The following ARHGAP8 variants were observed in gnomAD, a reference collection of about 807,000 sequenced individuals.
The protein encoded by ARHGAP8 is rho GTPase-activating protein 8.
A neutral mutation model predicts 46.1 loss-of-function variants in ARHGAP8; 62 were observed. That is an observed-to-expected ratio of 1.34 (90% CI 1.10 to 1.66). The LOEUF is 1.66. ARHGAP8 is among the 40% of genes most tolerant of loss of function. ARHGAP8 has a pLI of 0.00. For missense variants in ARHGAP8, 923 were observed against 568.4 expected, an observed-to-expected ratio of 1.62 and a Z score of -6.34; for synonymous variants, 375 against 243.1, an observed-to-expected ratio of 1.54 and a Z score of -5.05.
chr22:44,757,874 G>T (rs140176412), intron 1 of ARHGAP8, among the ~76,000 whole-genome samples: 2 of 146,596 alleles, frequency 1.4e-5, no homozygotes, highest in Admixed American at 1.4e-4. Context: ...GGCTAGTTTC[G>T]AACTCCTGAC....
At chr22:44,790,014 C>T (rs750687623) in intron 2 of ARHGAP8, among the ~76,000 whole-genome samples, 16 of 152,122 alleles carry the variant, frequency 1.1e-4, no homozygotes, top group Non-Finnish European at 1.9e-4. Flanking sequence ...ACTTTAATTG[C>T]AAGATGGACA....
At chr22:44,818,479 C>T (rs1929907025) in intron 5 of ARHGAP8, among the ~76,000 whole-genome samples, 1 of 143,772 alleles carries the variant, frequency 7.0e-6, no homozygotes, top group Admixed American at 6.7e-5. Context: ...CCTGCTCCTC[C>T]TGTTTTCCAC....
chr22:44,776,177 G>A (rs186139234), intron 1 of ARHGAP8, among the ~76,000 whole-genome samples: 3 of 152,230 alleles, frequency 2.0e-5, no homozygotes, highest in East Asian at 1.9e-4. Context: ...CCAGCCAGGC[G>A]CAGTGGCTCA....
chr22:44,828,242 ACTTC>A (rs1930674929), intron 7 of ARHGAP8, among the ~76,000 whole-genome samples: 1 of 152,164 alleles, frequency 6.6e-6, no homozygotes, highest in Admixed American at 6.5e-5. Context: ...ACCAAATAGT[ACTTC>A]CTTTTCCTTT....
intron 4 of ARHGAP8, among the ~76,000 whole-genome samples, chr22:44,810,855 G>A (rs1050876690): frequency 3.9e-5 from 6 of 152,198 alleles, no homozygotes; most frequent in African/African-American, 1.4e-4. Flanking sequence ...GCTGGACTGT[G>A]TTTAAGAGGC....
chr22:44,802,778 T>C (rs1264314236), intron 3 of ARHGAP8, among the ~76,000 whole-genome samples: 2 of 152,148 alleles, frequency 1.3e-5, no homozygotes, highest in African/African-American at 2.4e-5. Context: ...TTCCTATCTC[T>C]GCCTCGGTCT....
chr22:44,811,333 C>T (rs979457947), intron 4 of ARHGAP8, among the ~76,000 whole-genome samples: 9 of 152,240 alleles, frequency 5.9e-5, no homozygotes, highest in African/African-American at 2.2e-4. Context: ...GGAAGGAGGC[C>T]GGCCTCGTGG....
intron 2 of ARHGAP8, among the ~76,000 whole-genome samples, chr22:44,788,585 G>C (rs1167628317): frequency 5.9e-5 from 9 of 151,738 alleles, no homozygotes; most frequent in Non-Finnish European, 2.9e-5. Flanking sequence ...GTAGAGACAG[G>C]GTTTTGTCAC....
chr22:44,834,882 G>A (rs1244062580), intron 7 of ARHGAP8, among the ~76,000 whole-genome samples: 1 of 151,986 alleles, frequency 6.6e-6, no homozygotes, highest in African/African-American at 2.4e-5. Context: ...AACAATTTTT[G>A]TGTTAAAGTC....
In ARHGAP8 at chr22:44,779,441, C is replaced by T. The variant is rs1569140543; in HGVS notation, c.-71-7016C>T. 3.3e-5 allele frequency among the ~76,000 whole-genome samples: 5 copies of T among 152,154 alleles called. No homozygotes were observed. The South Asian group carries it at 1.0e-3, about 32-fold the overall frequency. On this transcript the variant is annotated intron_variant, in intron 1 of 11. Coordinates refer to ENST00000356099, the MANE Select transcript of ARHGAP8 (RefSeq NM_181335.3). ...GTTCAACATATTGCGAGACCACTCA[C>T]GTCGGTACGCGTGGCTATAGTGGCC...
intron 1 of ARHGAP8, among the ~76,000 whole-genome samples, chr22:44,764,700 C>T (rs1925415392): frequency 6.6e-6 from 1 of 152,228 alleles, no homozygotes; most frequent in Non-Finnish European, 1.5e-5. Flanking sequence ...GGTCCTGGTG[C>T]CACTCTCTGG....
At chr22:44,856,170 A>T (rs1418292879) in intron 10 of ARHGAP8, among the ~76,000 whole-genome samples, 1 of 150,706 alleles carries the variant, frequency 6.6e-6, no homozygotes, top group Non-Finnish European at 1.5e-5. Context: ...ATTGGGGATT[A>T]CATTTCAATG....
intron 7 of ARHGAP8, among the ~76,000 whole-genome samples, chr22:44,826,106 G>A (rs1219266338): frequency 1.3e-5 from 2 of 152,084 alleles, no homozygotes; most frequent in African/African-American, 2.4e-5. Flanking sequence ...GTGCTTAGGT[G>A]TAGGTGTGGG....
intron 1 of ARHGAP8, among the ~76,000 whole-genome samples, chr22:44,764,066 C>T (rs964986818): frequency 3.9e-4 from 59 of 152,282 alleles, no homozygotes; most frequent in African/African-American, 1.4e-3. Flanking sequence ...CCCACCTCGG[C>T]CTCCCAAAGT....
intron 4 of ARHGAP8, among the ~76,000 whole-genome samples, chr22:44,810,153 C>A (rs111231052): frequency 4.0e-5 from 6 of 151,836 alleles, no homozygotes; most frequent in African/African-American, 9.7e-5. Flanking sequence ...GGTTTGTGAA[C>A]AGGTCTGCCT....
chr22:44,783,144 G>A (rs1254296577), intron 1 of ARHGAP8, among the ~76,000 whole-genome samples: 3 of 142,274 alleles, frequency 2.1e-5, no homozygotes, highest in South Asian at 2.4e-4. Flanking sequence ...GTTTCACCAC[G>A]TTGGCAGGGC....
At chr22:44,858,740 G>GGGGGGGGGC (rs2070322082) in intron 10 of ARHGAP8, among the ~76,000 whole-genome samples, 2 of 130,738 alleles carry the variant, frequency 1.5e-5, no homozygotes, top group African/African-American at 5.4e-5. Flanking sequence ...TAACTGGGGG[G>GGGGGGGGGC]TCTCAGAGTG....
rs2070556607 is a variant in ARHGAP8, at chr22:44,862,609, CTGTAT to C, written c.*15_*19del. ...AGACGTCTCTAGTGTTGCGAACACT[CTGTAT>C]ATTTCGAGCTACCTCCCACACCTGT... On this transcript the variant is annotated 3_prime_UTR_variant, in exon 12 of 12. Transcript: ENST00000356099. 6.5e-7 allele frequency: 1 copy of C among 1,541,404 alleles called. No individual in the cohort carries two copies. Among genetic ancestry groups the C allele is most frequent in the Non-Finnish European group, 8.8e-7 (1 of 1,140,542 alleles).
chr22:44,779,465 C>A, intron 1 of ARHGAP8, among the ~76,000 whole-genome samples: 1 of 152,044 alleles, frequency 6.6e-6, no homozygotes, highest in East Asian at 1.9e-4. Flanking sequence ...GCTATAGTGG[C>A]CTGTCCACCT....
Sources: allele counts gnomAD v4.1 joint callset (sites outside exome capture counted in the v4.1 genomes callset), GRCh38; gene constraint gnomAD v4.1.1; transcripts MANE v1.5; gene names NCBI Gene and HGNC (gene_info 2026-07-23, HGNC 2026-07-21).